PVT1: variants seen among roughly 807,000 people sequenced by gnomAD.
PVT1 encodes the protein CXCR4/PVT1 fusion.
chr8:127,817,753 G>T (rs1227510619), intron 2 of PVT1, among the ~76,000 whole-genome samples: 5 of 151,534 alleles, frequency 3.3e-5, no homozygotes, highest in African/African-American at 1.2e-4. Flanking sequence ...AATTAGCTGG[G>T]TGTGGTGGCA....
At chr8:128,006,646 G>A (rs928259639) in intron 4 of PVT1, among the ~76,000 whole-genome samples, 5 of 152,100 alleles carry the variant, frequency 3.3e-5, no homozygotes, top group African/African-American at 1.2e-4. Context: ...GCCAAACAGT[G>A]ATTTTCTACT....
chr8:128,062,902 AG>A (rs1198555935), intron 4 of PVT1, among the ~76,000 whole-genome samples: 1 of 152,176 alleles, frequency 6.6e-6, no homozygotes, highest in Non-Finnish European at 1.5e-5. Context: ...AGCACTGCAC[AG>A]GGCACTGAAT....
chr8:127,829,515 C>T (rs1207595669), intron 2 of PVT1, among the ~76,000 whole-genome samples: 1 of 152,190 alleles, frequency 6.6e-6, no homozygotes, highest in Non-Finnish European at 1.5e-5. Flanking sequence ...GGTGTTGCTT[C>T]TCTGGCCTCC....
chr8:127,871,503 G>T (rs1815351299), intron 2 of PVT1, among the ~76,000 whole-genome samples: 1 of 152,172 alleles, frequency 6.6e-6, no homozygotes. Flanking sequence ...TGGACTCCCA[G>T]TGTCCAGGGG....
At chr8:128,008,447 C>T (rs1586479067) in intron 4 of PVT1, among the ~76,000 whole-genome samples, 1 of 152,292 alleles carries the variant, frequency 6.6e-6, no homozygotes, top group South Asian at 2.1e-4. Context: ...AATGTATGTT[C>T]CCACAGGCTC....
At chr8:127,965,872 A>T (rs2129954404) in intron 3 of PVT1, among the ~76,000 whole-genome samples, 1 of 152,304 alleles carries the variant, frequency 6.6e-6, no homozygotes, top group East Asian at 1.9e-4. Context: ...CTTCCTGATG[A>T]TGCAGACTTT....
intron 3 of PVT1, among the ~76,000 whole-genome samples, chr8:127,960,959 GCACGAATA>G (rs1816635907): frequency 3.4e-5 from 3 of 88,164 alleles, no homozygotes; most frequent in Admixed American, 2.9e-4. Context: ...GGGCGGGCGG[GCACGAATA>G]GGGGAGGAAT....
chr8:128,030,548 A>C (rs1427490359), intron 4 of PVT1, among the ~76,000 whole-genome samples: 1 of 152,214 alleles, frequency 6.6e-6, no homozygotes, highest in East Asian at 1.9e-4. Context: ...TAAGTTCCCC[A>C]AAATTATGCT....
chr8:127,962,386 T>C (rs562333025), intron 3 of PVT1, among the ~76,000 whole-genome samples: 8 of 152,244 alleles, frequency 5.3e-5, no homozygotes, highest in South Asian at 2.1e-4. Context: ...TTTTGACACA[T>C]GTGTTCCTTC....
intron 4 of PVT1, among the ~76,000 whole-genome samples, chr8:128,032,304 G>A (rs1461778429): frequency 6.6e-6 from 1 of 152,126 alleles, no homozygotes; most frequent in Non-Finnish European, 1.5e-5. Context: ...GGAACCTGTG[G>A]AGCTATAGCA....
intron 2 of PVT1, among the ~76,000 whole-genome samples, chr8:127,868,797 A>ATATATATATGTATATG (rs2129765642): frequency 8.3e-6 from 1 of 120,460 alleles, no homozygotes; most frequent in African/African-American, 3.4e-5. Context: ...ATATATACAT[A>ATATATATATGTATATG]TATATGTACA....
intron 2 of PVT1, among the ~76,000 whole-genome samples, chr8:127,848,690 A>AAAAC (rs1226644942): frequency 1.2e-4 from 19 of 152,194 alleles, no homozygotes; most frequent in Admixed American, 5.2e-4. Context: ...TCTCAGATAA[A>AAAAC]AAACAAACAA....
chr8:128,051,947 T>C (rs1245249605), intron 4 of PVT1, among the ~76,000 whole-genome samples: 1 of 152,276 alleles, frequency 6.6e-6, no homozygotes, highest in Non-Finnish European at 1.5e-5. Flanking sequence ...TAGGATTGGT[T>C]ACTGGTGCTT....
chr8:127,817,473 ATATGTG>A (rs1814675594), intron 2 of PVT1, among the ~76,000 whole-genome samples: 2 of 125,600 alleles, frequency 1.6e-5, no homozygotes, highest in South Asian at 2.5e-4. Flanking sequence ...ATATATATAT[ATATGTG>A]TGTGTGTGTG....
chr8:127,873,728 G>C (rs920615316), intron 2 of PVT1, among the ~76,000 whole-genome samples: 4 of 152,108 alleles, frequency 2.6e-5, no homozygotes, highest in African/African-American at 9.7e-5. Context: ...TCAGAGCCTG[G>C]GCTTCCCAGA....
chr8:127,963,441 A>G (rs1471527416), intron 3 of PVT1, among the ~76,000 whole-genome samples: 1 of 152,088 alleles, frequency 6.6e-6, no homozygotes, highest in Non-Finnish European at 1.5e-5. Context: ...AAATCACTCA[A>G]TTCTTGTTCT....
intron 3 of PVT1, among the ~76,000 whole-genome samples, chr8:127,930,167 T>C (rs888320850): frequency 1.3e-5 from 2 of 151,800 alleles, no homozygotes; most frequent in Non-Finnish European, 2.9e-5. Flanking sequence ...TTATTATTAT[T>C]TTTTTTTGGG....
chr8:127,959,607 A>G (rs894494225), intron 3 of PVT1, among the ~76,000 whole-genome samples: 4 of 151,688 alleles, frequency 2.6e-5, no homozygotes, highest in Admixed American at 6.6e-5. Context: ...AAAAAAAAAA[A>G]AAAGACCCAG....
intron 4 of PVT1, among the ~76,000 whole-genome samples, chr8:127,999,480 G>A (rs1421443019): frequency 8.8e-6 from 1 of 113,446 alleles, no homozygotes; most frequent in Non-Finnish European, 1.9e-5. Context: ...TTTTTTTTTT[G>A]AAATGGATTC....
Sources: gnomAD v4.1 joint callset for allele counts (sites outside exome capture counted in the v4.1 genomes callset) on GRCh38, gnomAD v4.1.1 for gene constraint, MANE v1.5 for transcripts, NCBI Gene and HGNC (gene_info 2026-07-23, HGNC 2026-07-21) for gene names.